The following JTB variants were observed in gnomAD, a reference collection of about 807,000 sequenced individuals.
The protein encoded by JTB is jumping translocation breakpoint.
In JTB, 10 loss-of-function variants were observed where a neutral mutation model predicts 22.1. The ratio of observed to expected loss-of-function variants is 0.45; its 90% CI spans 0.28 to 0.77. The LOEUF (loss-of-function observed/expected upper bound fraction) is 0.77, where lower values mean the gene tolerates loss of function less well. Ranked by LOEUF, JTB falls within the 30% of genes least tolerant of loss-of-function variation. The pLI is 0.13. For missense variants in JTB, 137 were observed against 180.3 expected, an observed-to-expected ratio of 0.76 and a Z score of 1.38; for synonymous variants, 83 against 66.8, an observed-to-expected ratio of 1.24 and a Z score of -1.18.
Position 153,977,153 on chromosome 1 carries a change from C to T in JTB, c.83+17G>A, listed in dbSNP as rs749749784. The T allele has an allele frequency of 2.5e-6, 4 of 1,614,006 alleles. No individual in the cohort carries two copies. Among genetic ancestry groups the T allele is most frequent in the East Asian group, 2.2e-5 (1 of 44,878 alleles). The stretch of plus-strand genomic sequence containing the variant: ...CCTCCAGTGACCTCCTTTTCCCTCC[C>T]CTTACCTCCTCCTTACCAGAGCTTT... On this transcript the variant is annotated intron_variant, in intron 1 of 4. Coordinates refer to ENST00000271843, the MANE Select transcript of JTB (RefSeq NM_006694.4).
chr1:153,977,205 G>A lies in JTB; in HGVS notation c.48C>T (p.Leu16=), dbSNP rs139077444. ...GRPGLPQGRH[L]CWLLCAFTLK... is the part of the protein sequence containing the mutation. The stretch of plus-strand genomic sequence containing the variant: ...AGGTGAAAGCACAGAGCAACCAGCA[G>A]AGGTGGCGGCCCTGGGGGAGGCCAG... Residue 16 remains leucine, a synonymous_variant, in exon 1 of 5, where the codon CTC becomes CTT. Transcript: ENST00000271843. 2 of 1,614,206 alleles carry A rather than the reference G, an allele frequency of 1.2e-6. No homozygotes were observed. The highest frequency in any genetic ancestry group is 2.7e-5 in the African/African-American group (2 of 75,074).
chr1:153,975,658 G>C (rs1648768421), intron 4 of JTB, among the ~76,000 whole-genome samples, 168 bp downstream of exon 4: 1 of 152,118 alleles, frequency 6.6e-6, no homozygotes, highest in Admixed American at 6.6e-5. Flanking sequence ...GACCTCAGGT[G>C]ATCTGTTAGC....
At position 153,977,617 on chromosome 1, in the gene JTB, G is replaced by C. The variant is rs1057406091; in HGVS notation, c.-365C>G. The C allele has an allele frequency of 5.9e-6, 6 of 1,022,976 alleles. No homozygotes were observed. Among genetic ancestry groups the C allele is most frequent in the Non-Finnish European group, 7.0e-6 (6 of 853,578 alleles). The allele number at this position is 1,022,976 out of a possible 1,614,324, so 63.4% of individuals were successfully genotyped here. On this transcript the variant is annotated 5_prime_UTR_variant, in exon 1 of 5. Transcript: ENST00000271843. ...GGGCGCGGGACCGAGCTCGGGGCCC[G>C]GTGTTCCCGGGGGCGTTCGGTCGTC...
chr1:153,976,787 GAT>G lies in JTB; in HGVS notation c.122-14_122-13del, dbSNP rs1438484843. 1 of 1,613,682 alleles carries G rather than the reference GAT, an allele frequency of 6.2e-7. No homozygotes were observed. Among genetic ancestry groups the G allele is most frequent in the Non-Finnish European group, 8.5e-7 (1 of 1,179,694 alleles). ...ATTTGAGGTGCTTGCTGAAAGGAAA[GAT>G]AAATGCCAGCCCCAGGCCATTCAGA... On this transcript the variant is annotated splice_polypyrimidine_tract_variant and intron_variant, in intron 2 of 4. Transcript: ENST00000271843.
Position 153,977,585 on chromosome 1 carries a change from G to A in JTB, c.-333C>T, listed in dbSNP as rs1648843392. On this transcript the variant is annotated 5_prime_UTR_variant, in exon 1 of 5. Coordinates refer to ENST00000271843, the MANE Select transcript of JTB (RefSeq NM_006694.4). ...GACGCAGCCATCTAGCCCCGTGGAG[G>A]ATCCTCGGGCGCGGGACCGAGCTCG... 5 of 1,041,818 alleles carry A rather than the reference G, an allele frequency of 4.8e-6. No homozygotes were observed. The highest frequency in any genetic ancestry group is 7.2e-5 in the South Asian group (2 of 27,854). The allele number at this position is 1,041,818 out of a possible 1,614,324, so 64.5% of individuals were successfully genotyped here.
At chr1:153,976,891 T>C in intron 2 of JTB, 85 bp downstream of exon 2, 1 of 1,604,316 alleles carries the variant, frequency 6.2e-7, no homozygotes, top group Non-Finnish European at 8.5e-7. Context: ...GCCGGCCTTT[T>C]CCACCTGTGC....
In JTB at chr1:153,974,750, C is replaced by A; in HGVS notation, c.370G>T (p.Val124Phe). 1.2e-6 allele frequency: 2 copies of A among 1,613,846 alleles called. No individual in the cohort carries two copies. The highest frequency in any genetic ancestry group is 1.7e-6 in the Non-Finnish European group (2 of 1,179,804). ...VCVALIFACLVIIRQRQLDRK... is the reference protein window; with the variant it reads ...VCVALIFACLFIIRQRQLDRK... ...TCCAATTGTCGCTGACGAATGATGA[C>A]AAGACAAGCGAAGATCAGGGCCACA... The change falls in exon 5 of 5, where the codon GTC (valine) becomes TTC (phenylalanine). Residue 124 changes from valine to phenylalanine, a missense_variant. By Grantham distance (50) the Val-to-Phe change is conservative. Coordinates refer to ENST00000271843, the MANE Select transcript of JTB (RefSeq NM_006694.4).
chr1:153,976,043 G>C, intron 3 of JTB, 138 bp from the exon 4 acceptor site: 1 of 650,472 alleles, frequency 1.5e-6, no homozygotes, highest in East Asian at 2.6e-5. Flanking sequence ...AAAGAGTTCT[G>C]ATGCGGATGG....
At chr1:153,976,909 A>G in intron 2 of JTB, 67 bp downstream of exon 2, 2 of 1,605,344 alleles carry the variant, frequency 1.2e-6, no homozygotes, top group Non-Finnish European at 1.7e-6. Flanking sequence ...TGCTCTTGGT[A>G]TATGGGGAAG....
At chr1:153,976,047 C>T (rs1571122908) in intron 3 of JTB, 142 bp from the exon 4 acceptor site, 6 of 641,786 alleles carry the variant, frequency 9.3e-6, no homozygotes, top group East Asian at 2.6e-5. Flanking sequence ...AGTTCTGATG[C>T]GGATGGTGGA....
chr1:153,974,904 C>G (rs1648732197), intron 4 of JTB, 69 bp from the exon 5 acceptor site: 1 of 1,521,556 alleles, frequency 6.6e-7, no homozygotes, highest in Non-Finnish European at 9.0e-7. Context: ...TTCCCTTCTA[C>G]TTCAGCCTAG....
Position 153,974,541 on chromosome 1 carries a change from A to T in JTB, c.*138T>A. The T allele has an allele frequency of 1.4e-6, 1 of 691,186 alleles. No homozygotes were observed. Among genetic ancestry groups the T allele is most frequent in the Non-Finnish European group, 2.4e-6 (1 of 413,648 alleles). 42.8% of individuals were successfully genotyped at this position (691,186 alleles called of 1,614,324 possible). A position where few individuals can be genotyped will look rare whatever the true frequency, so the allele number is the denominator to read the frequency against. ...TTTTACTCTTTTTATTCTGCTCATTAATGATCTGAAAGAAGAAGATGGGGA... is the reference window on the plus strand; with the variant it reads ...TTTTACTCTTTTTATTCTGCTCATTTATGATCTGAAAGAAGAAGATGGGGA... On this transcript the variant is annotated 3_prime_UTR_variant, in exon 5 of 5. Coordinates refer to ENST00000271843, the MANE Select transcript of JTB (RefSeq NM_006694.4).
chr1:153,977,106 C>G, intron 1 of JTB, 64 bp downstream of exon 1: 1 of 1,613,818 alleles, frequency 6.2e-7, no homozygotes, highest in South Asian at 1.1e-5. Flanking sequence ...TCCCCCAGCC[C>G]CGAGGCCGGG....
At position 153,977,433 on chromosome 1, in the gene JTB, C is replaced by G; in HGVS notation, c.-181G>C. On this transcript the variant is annotated 5_prime_UTR_variant, in exon 1 of 5. Transcript: ENST00000271843. ...TATCAGGACGTCCCCGTTGCCACAG[C>G]GAGAAAAATCGATATGTTTTTGCGG... The G allele has an allele frequency of 7.3e-7, 1 of 1,374,300 alleles. No individual in the cohort carries two copies. Among genetic ancestry groups the G allele is most frequent in the Non-Finnish European group, 9.4e-7 (1 of 1,067,230 alleles). The allele number at this position is 1,374,300 out of a possible 1,614,324, so 85.1% of individuals were successfully genotyped here.
At chr1:153,976,020 CAG>C in intron 3 of JTB, 115 bp from the exon 4 acceptor site, 1 of 710,716 alleles carries the variant, frequency 1.4e-6, no homozygotes, top group Middle Eastern at 2.5e-4. Flanking sequence ...TGGTAGGCAA[CAG>C]AGAGCTAATG....
intron 3 of JTB, among the ~76,000 whole-genome samples, chr1:153,976,243 C>G (rs1253139911): frequency 6.6e-6 from 1 of 152,204 alleles, no homozygotes; most frequent in African/African-American, 2.4e-5. Context: ...GCGGGCAGAT[C>G]ACGAGGTAAG....
rs1263312880 is a variant in JTB at position 153,974,411 on chromosome 1, G to A, written c.*268C>T. On this transcript the variant is annotated 3_prime_UTR_variant, in exon 5 of 5. Coordinates refer to ENST00000271843, the MANE Select transcript of JTB (RefSeq NM_006694.4). Reference sequence around the variant, plus strand: ...AGTAGAAGAGGGGGAAAACAAGGGAGAAGTGGTGGGGAAGACTTGGTAGAT... The same window carrying A: ...AGTAGAAGAGGGGGAAAACAAGGGAAAAGTGGTGGGGAAGACTTGGTAGAT... 2.4e-6 allele frequency: 1 copy of A among 421,462 alleles called. No homozygotes were observed. The highest frequency in any genetic ancestry group is 1.9e-5 in the African/African-American group (1 of 51,312). The allele number at this position is 421,462 out of a possible 1,614,324, so 26.1% of individuals were successfully genotyped here.
At chr1:153,976,659 T>TA (rs371751474) in intron 3 of JTB, 34 bp downstream of exon 3, 23,505 of 1,099,362 alleles carry the variant, frequency 0.021, no homozygotes, top group Non-Finnish European at 0.026. Context: ...CTTAGATGTT[T>TA]AAAAAAAAAA....
At chr1:153,974,981 C>T in intron 4 of JTB, 146 bp from the exon 5 acceptor site, 1 of 699,730 alleles carries the variant, frequency 1.4e-6, no homozygotes, top group Non-Finnish European at 2.2e-6. Context: ...AAATCCCTCT[C>T]AAATAGATCA....
Sources: gnomAD v4.1 joint callset for allele counts (sites outside exome capture counted in the v4.1 genomes callset) on GRCh38, gnomAD v4.1.1 for gene constraint, MANE v1.5 for transcripts, NCBI Gene and HGNC (gene_info 2026-07-23, HGNC 2026-07-21) for gene names.